Variants in GULP1 observed in about 807,000 individuals in gnomAD.
GULP1 encodes the protein GULP PTB domain containing engulfment adaptor 1, also known as PTB domain-containing engulfment adapter protein 1.
Under a neutral mutation model 40.9 loss-of-function variants are expected in GULP1, and 19 were observed. That is an observed-to-expected ratio of 0.46 (90% confidence interval 0.32 to 0.68). The LOEUF is 0.68. Ranked by LOEUF, GULP1 falls within the 30% of genes least tolerant of loss-of-function variation. The pLI is 0.03. For synonymous variants in GULP1, 119 were observed against 117.6 expected (o/e 1.01, Z -0.08); for missense variants, 312 against 362.2 (o/e 0.86, Z 1.12).
At chr2:188,469,358 A>G (rs1161020361) in intron 2 of GULP1, among the ~76,000 whole-genome samples, 5 of 152,134 alleles carry the variant, frequency 3.3e-5, no homozygotes, top group African/African-American at 1.2e-4. Context: ...ATTTCTTTTA[A>G]CTTTTGCTTG....
chr2:188,537,174 T>C (rs1277902325), intron 6 of GULP1, among the ~76,000 whole-genome samples: 1 of 152,068 alleles, frequency 6.6e-6, no homozygotes, highest in East Asian at 1.9e-4. Context: ...TGAAGCCTTC[T>C]CTTTTTTTCT....
chr2:188,490,505 G>A (rs1319716082), intron 4 of GULP1, among the ~76,000 whole-genome samples: 1 of 152,092 alleles, frequency 6.6e-6, no homozygotes, highest in Non-Finnish European at 1.5e-5. Context: ...GTAGGCAGGG[G>A]TTTGGCAGAG....
chr2:188,563,762 A>G (rs1407683528), intron 7 of GULP1, among the ~76,000 whole-genome samples: 1 of 151,904 alleles, frequency 6.6e-6, no homozygotes, highest in Non-Finnish European at 1.5e-5. Flanking sequence ...ATAAAGTTAC[A>G]GTTCCAAATC....
chr2:188,417,041 T>C (rs925447581), intron 2 of GULP1, among the ~76,000 whole-genome samples: 3 of 152,222 alleles, frequency 2.0e-5, no homozygotes, highest in Admixed American at 6.5e-5. Context: ...TTAAATTCCA[T>C]TATAAAACTA....
At chr2:188,496,749 C>T (rs2062934272) in intron 4 of GULP1, among the ~76,000 whole-genome samples, 1 of 151,888 alleles carries the variant, frequency 6.6e-6, no homozygotes, top group Admixed American at 6.6e-5. Context: ...TTGTAATCCC[C>T]AGTGTTGGAG....
intron 1 of GULP1, among the ~76,000 whole-genome samples, chr2:188,299,198 A>G (rs1432489494): frequency 6.6e-6 from 1 of 151,504 alleles, no homozygotes; most frequent in African/African-American, 2.4e-5. Flanking sequence ...GTGACTAAGG[A>G]TGACTAAGGA....
In GULP1 at chr2:188,342,478, T is replaced by C. The variant is rs117159545; in HGVS notation, c.-171-41285T>C. Among the ~76,000 whole-genome samples, 54 of 152,304 alleles carry C rather than the reference T, an allele frequency of 3.5e-4. No individual in the cohort carries two copies. The East Asian group carries it at 0.01, about 29-fold the overall frequency. ...GATTTTATCTGAATTTTTTTAACCT[T>C]ATGAAGTACATCTACAAAGAGACTA... On this transcript the variant is annotated intron_variant, in intron 1 of 11. Coordinates refer to ENST00000409830, the MANE Select transcript of GULP1 (RefSeq NM_016315.4).
intron 1 of GULP1, among the ~76,000 whole-genome samples, chr2:188,362,383 TTCA>T: frequency 6.6e-6 from 1 of 152,150 alleles, no homozygotes; most frequent in East Asian, 1.9e-4. Context: ...ACTAGTGTTT[TTCA>T]GAACTCATTT....
chr2:188,313,859 T>G (rs2038617668), intron 1 of GULP1, among the ~76,000 whole-genome samples: 1 of 152,060 alleles, frequency 6.6e-6, no homozygotes, highest in Non-Finnish European at 1.5e-5. Flanking sequence ...GAATTGAGTA[T>G]TTTATTTATT....
chr2:188,570,037 T>C lies in GULP1; in HGVS notation c.526T>C (p.Leu176=). 2 of 1,290,284 alleles carry C rather than the reference T, an allele frequency of 1.6e-6. No homozygotes were observed. Among genetic ancestry groups the C allele is most frequent in the Non-Finnish European group, 2.2e-6 (2 of 907,070 alleles). 79.9% of individuals were successfully genotyped at this position (1,290,284 alleles called of 1,614,324 possible). A position where few individuals can be genotyped will look rare whatever the true frequency, so the allele number is the denominator to read the frequency against. ...ATGATTTTCTTTTTAGATCCAAGAC[T>C]TAGAAACAGAAAATATGGAACTTAA... ...IAGLQKRIQD[L]ETENMELKNK... The change falls in exon 9 of 12, where the codon TTA becomes CTA. Residue 176 remains leucine, a synonymous_variant. Coordinates refer to ENST00000409830, the MANE Select transcript of GULP1 (RefSeq NM_016315.4).
At chr2:188,390,271 C>T (rs573015258) in intron 2 of GULP1, among the ~76,000 whole-genome samples, 7 of 152,110 alleles carry the variant, frequency 4.6e-5, no homozygotes, top group Non-Finnish European at 7.4e-5. Context: ...GCCACTTCCA[C>T]GCCAAATCTA....
chr2:188,452,126 A>G (rs2058882464), intron 2 of GULP1, among the ~76,000 whole-genome samples: 1 of 152,202 alleles, frequency 6.6e-6, no homozygotes, highest in Non-Finnish European at 1.5e-5. Flanking sequence ...GCAGGAACCA[A>G]CCAGTCTTGT....
intron 1 of GULP1, among the ~76,000 whole-genome samples, chr2:188,327,828 A>G (rs1029045119): frequency 4.6e-5 from 7 of 152,110 alleles, no homozygotes; most frequent in African/African-American, 9.7e-5. Context: ...GTTGAAAATG[A>G]TGGAGCACTG....
At chr2:188,517,445 G>C (rs1454167633) in intron 4 of GULP1, among the ~76,000 whole-genome samples, 1 of 152,002 alleles carries the variant, frequency 6.6e-6, no homozygotes, top group East Asian at 1.9e-4. Flanking sequence ...ATTGACTGTA[G>C]AGTATTAGCC....
At chr2:188,386,967 G>GT (rs1459253296) in intron 2 of GULP1, among the ~76,000 whole-genome samples, 3 of 152,120 alleles carry the variant, frequency 2.0e-5, no homozygotes, top group African/African-American at 7.2e-5. Context: ...GCCGAGTGTG[G>GT]TGGCTCATGC....
At chr2:188,419,613 A>G (rs1371919531) in intron 2 of GULP1, among the ~76,000 whole-genome samples, 2 of 151,542 alleles carry the variant, frequency 1.3e-5, no homozygotes, top group East Asian at 3.9e-4. Context: ...GATTATCCTC[A>G]TAATATATGT....
At chr2:188,316,599 A>T (rs1236077531) in intron 1 of GULP1, among the ~76,000 whole-genome samples, 1 of 152,026 alleles carries the variant, frequency 6.6e-6, no homozygotes, top group Non-Finnish European at 1.5e-5. Context: ...CTTATGCTTC[A>T]CTTTTCAACT....
At chr2:188,293,612 C>T (rs1431755371) in intron 1 of GULP1, among the ~76,000 whole-genome samples, 1 of 152,186 alleles carries the variant, frequency 6.6e-6, no homozygotes, top group East Asian at 1.9e-4. Flanking sequence ...CTTTTCCCCC[C>T]ATATGAACAA....
At chr2:188,541,006 G>A (rs754654470) in intron 6 of GULP1, among the ~76,000 whole-genome samples, 175 bp from the exon 7 acceptor site, 7 of 152,152 alleles carry the variant, frequency 4.6e-5, no homozygotes, top group African/African-American at 1.7e-4. Flanking sequence ...GAATCAGGAG[G>A]TCTATCTGTA....
Sources: gnomAD v4.1 joint callset for allele counts (sites outside exome capture counted in the v4.1 genomes callset) on GRCh38, gnomAD v4.1.1 for gene constraint, MANE v1.5 for transcripts, NCBI Gene and HGNC (gene_info 2026-07-23, HGNC 2026-07-21) for gene names.